The following MINK1 variants were observed in gnomAD, a reference collection of about 807,000 sequenced individuals.
The protein encoded by MINK1 is misshapen-like kinase 1.
MINK1 carries 46 observed loss-of-function variants against 178.4 expected under a neutral mutation model. That is an observed-to-expected ratio of 0.26 (90% confidence interval 0.20 to 0.33). MINK1 has a LOEUF of 0.33. Among genes scored for constraint, MINK1 ranks in the 10% least tolerant of loss-of-function variants. The pLI is 1.00. For synonymous variants in MINK1, 797 were observed against 709.7 expected (o/e 1.12, Z -1.96); for missense variants, 1,366 against 1,814.9 (o/e 0.75, Z 4.49).
intron 1 of MINK1, among the ~76,000 whole-genome samples, chr17:4,870,841 A>C (rs1327797991): frequency 6.6e-6 from 1 of 152,180 alleles, no homozygotes; most frequent in East Asian, 1.9e-4. Context: ...CAAACTAACA[A>C]AAATTAAAAT....
chr17:4,874,609 G>A (rs533613926), intron 1 of MINK1, among the ~76,000 whole-genome samples: 5 of 152,220 alleles, frequency 3.3e-5, no homozygotes, highest in African/African-American at 9.6e-5. Flanking sequence ...GGGTGGCTGC[G>A]ATACAGGAAA....
chr17:4,859,169 G>T, intron 1 of MINK1: 1 of 985,444 alleles, frequency 1.0e-6, no homozygotes, highest in Non-Finnish European at 1.2e-6. Flanking sequence ...TCTCCACTGG[G>T]CTGTTTAGTG....
chr17:4,833,590 G>A lies in MINK1; in HGVS notation c.7G>A (p.Asp3Asn). The change falls in exon 1 of 32, where the codon GAC becomes AAC. Residue 3 changes from aspartate to asparagine, a missense_variant. Physicochemically the swap from Asp to Asn is conservative, Grantham distance 23. Transcript: ENST00000355280. This position sits in a 1 kb window ranked among gnomAD's most constrained non-coding sequence, Gnocchi z 4.8. ...CCCGTTCCCCACGGAGGCCATGGGCGACCCAGCCCCCGCCCGCAGCCTGGA... is the reference window on the plus strand; with the variant it reads ...CCCGTTCCCCACGGAGGCCATGGGCAACCCAGCCCCCGCCCGCAGCCTGGA... MG[D>N]PAPARSLDDI... 6.7e-7 allele frequency: 1 copy of A among 1,499,216 alleles called. No homozygotes were observed. The highest frequency in any genetic ancestry group is 2.8e-5 in the East Asian group (1 of 35,140). 92.9% of individuals were successfully genotyped at this position (1,499,216 alleles called of 1,614,324 possible). A position where few individuals can be genotyped will look rare whatever the true frequency, so the allele number is the denominator to read the frequency against.
rs750068389 is a variant in MINK1 at position 4,896,540 on chromosome 17, A to G, written c.3727A>G (p.Ile1243Val). The change falls in exon 30 of 32, where the codon ATC (isoleucine) becomes GTC (valine). Residue 1243 changes from isoleucine (I) to valine (V), a missense_variant. Physicochemically the swap from Ile to Val is conservative, Grantham distance 29. This residue lies in a region of MINK1 where 201 missense variants were observed against 240.7 expected (regional missense o/e 0.84). Coordinates refer to ENST00000355280, the MANE Select transcript of MINK1 (RefSeq NM_153827.5). The surrounding 1 kb of genome is among the most constrained non-coding windows in gnomAD (Gnocchi z 4.6). ...EGVYVNTYGR[I>V]IKDVVLQWGE... ...TGTCTACGTCAACACGTACGGGCGC[A>G]TCATTAAGGATGTGGTGCTGCAGTG... 15 of 1,613,936 alleles carry G rather than the reference A, an allele frequency of 9.3e-6. No homozygotes were observed. In the East Asian group the frequency reaches 3.3e-4, roughly 36 times the overall value.
intron 1 of MINK1, chr17:4,868,806 C>A: frequency 3.1e-6 from 1 of 320,192 alleles, no homozygotes; most frequent in South Asian, 2.2e-5. Context: ...AGCGCAGTGG[C>A]ATGATCATGG....
chr17:4,876,122 G>C (rs1967164962), intron 1 of MINK1, among the ~76,000 whole-genome samples: 1 of 151,904 alleles, frequency 6.6e-6, no homozygotes, highest in Non-Finnish European at 1.5e-5. Flanking sequence ...AACTTTAACT[G>C]AAGCCAAATA....
intron 2 of MINK1, 97 bp from the exon 3 acceptor site, chr17:4,880,887 G>A (rs1287946166): frequency 1.6e-5 from 20 of 1,244,556 alleles, no homozygotes; most frequent in South Asian, 6.6e-5. Flanking sequence ...GCGACAGAGC[G>A]AGACCCTGTC....
intron 1 of MINK1, chr17:4,847,048 C>A: frequency 2.5e-6 from 1 of 398,834 alleles, no homozygotes; most frequent in Non-Finnish European, 5.0e-6. Context: ...CCTGCTACTG[C>A]CCGGATCTCC....
At chr17:4,889,824 C>T in intron 13 of MINK1, 61 bp downstream of exon 13, 2 of 1,284,548 alleles carry the variant, frequency 1.6e-6, no homozygotes, top group Non-Finnish European at 2.1e-6. Context: ...CCTGCCGCCC[C>T]TGCTCCCCGT....
intron 1 of MINK1, among the ~76,000 whole-genome samples, chr17:4,857,724 T>A (rs1913431491): frequency 6.6e-6 from 1 of 152,074 alleles, no homozygotes; most frequent in Admixed American, 6.5e-5. Flanking sequence ...AGCCTTGGCA[T>A]CCCAAAGTGC....
intron 4 of MINK1, among the ~76,000 whole-genome samples, chr17:4,881,755 A>G (rs1192751065): frequency 1.3e-5 from 2 of 152,212 alleles, no homozygotes; most frequent in Non-Finnish European, 2.9e-5. Flanking sequence ...CCTGCTGCAG[A>G]GCTTGGGGCC....
intron 13 of MINK1, 151 bp downstream of exon 13, chr17:4,889,914 C>A: frequency 1.6e-6 from 1 of 640,684 alleles, no homozygotes; most frequent in Non-Finnish European, 2.7e-6. Context: ...TTTCTCCCAC[C>A]CTTCAACCCC....
chr17:4,835,072 A>G (rs897084929), intron 1 of MINK1, among the ~76,000 whole-genome samples: 1 of 152,096 alleles, frequency 6.6e-6, no homozygotes. Flanking sequence ...TGAACGCTGA[A>G]TTTCTCTGTG....
intron 4 of MINK1, chr17:4,882,837 C>T (rs1967825608): frequency 6.6e-6 from 1 of 152,064 alleles, no homozygotes; most frequent in African/African-American, 2.4e-5. Flanking sequence ...ATGTAAAACC[C>T]AGGCCAGACG....
intron 3 of MINK1, 39 bp downstream of exon 3, chr17:4,881,079 C>T (rs749746174): frequency 1.2e-5 from 19 of 1,535,294 alleles, no homozygotes; most frequent in South Asian, 2.4e-5. Flanking sequence ...GTCGGACCAG[C>T]GAGAAGGGAG....
chr17:4,878,642 G>A (rs1238903367), intron 2 of MINK1, among the ~76,000 whole-genome samples: 2 of 152,218 alleles, frequency 1.3e-5, no homozygotes, highest in Non-Finnish European at 2.9e-5. Context: ...GCCTGCAGCA[G>A]TGAGAGCAGG....
At chr17:4,843,288 C>G (rs1910522152) in intron 1 of MINK1, among the ~76,000 whole-genome samples, 1 of 151,948 alleles carries the variant, frequency 6.6e-6, no homozygotes, top group Non-Finnish European at 1.5e-5. Flanking sequence ...ACCAGCCTGG[C>G]CAACATAGTG....
chr17:4,842,179 A>G (rs7218117), intron 1 of MINK1, among the ~76,000 whole-genome samples: 13,053 of 148,718 alleles, frequency 0.088, 560 homozygotes, highest in Non-Finnish European at 0.098. Context: ...AGCCTAGACC[A>G]CGCCACTGCA....
intron 1 of MINK1, chr17:4,871,099 C>T: frequency 2.8e-6 from 1 of 357,028 alleles, no homozygotes; most frequent in Non-Finnish European, 6.0e-6. Context: ...TAGCTTCTTT[C>T]ATAAGCATAA....
Sources: gnomAD v4.1 joint callset for allele counts (sites outside exome capture counted in the v4.1 genomes callset) on GRCh38, gnomAD v4.1.1 for gene constraint, gnomAD v4.1.1 regional missense constraint, Gnocchi (gnomAD v3.1) non-coding constraint, MANE v1.5 for transcripts, NCBI Gene and HGNC (gene_info 2026-07-23, HGNC 2026-07-21) for gene names.